Variants in ZNF468 observed in about 807,000 individuals in gnomAD.
The protein encoded by ZNF468 is zinc finger protein ZNF468.
In ZNF468, 8 loss-of-function variants were observed where a neutral mutation model predicts 7.2. The ratio of observed to expected loss-of-function variants is 1.11; its 90% CI spans 0.65 to 2.01. ZNF468 has a LOEUF of 2.01. Ranked by LOEUF, ZNF468 falls within the 30% of genes most tolerant of loss-of-function variation. ZNF468 has a pLI of 0.00. For missense variants in ZNF468, 608 were observed against 626.5 expected (o/e 0.97, Z 0.31); for synonymous variants, 218 against 214.4 (o/e 1.02, Z -0.15).
chr19:52,840,711 C>A lies in ZNF468; in HGVS notation c.*14G>T. The A allele has an allele frequency of 1.9e-6, 3 of 1,613,256 alleles. No individual in the cohort carries two copies. The highest frequency in any genetic ancestry group is 2.5e-6 in the Non-Finnish European group (3 of 1,179,504). On this transcript the variant is annotated 3_prime_UTR_variant, in exon 4 of 4. Transcript: ENST00000595646. The stretch of plus-strand genomic sequence containing the variant: ...TGAATTGTGATGGAAGGTCTTGCCA[C>A]ACTCATTACACTATTAAGGCTTCTC...
chr19:52,843,126 A>G (rs1600515195), intron 3 of ZNF468, among the ~76,000 whole-genome samples: 1 of 151,592 alleles, frequency 6.6e-6, no homozygotes, highest in Admixed American at 6.6e-5. Context: ...GTCTCAAAAA[A>G]AAAAAAAAAA....
At chr19:52,852,923 C>T (rs1344589518) in intron 2 of ZNF468, among the ~76,000 whole-genome samples, 4 of 151,394 alleles carry the variant, frequency 2.6e-5, no homozygotes, top group Non-Finnish European at 5.9e-5. Flanking sequence ...GGTGCAATCT[C>T]AGCTCACTGC....
intron 2 of ZNF468, among the ~76,000 whole-genome samples, chr19:52,850,848 G>A (rs1039487000): frequency 2.0e-5 from 3 of 151,794 alleles, no homozygotes; most frequent in African/African-American, 4.8e-5. Context: ...GCAGTGAGCC[G>A]AGATCGCGCC....
intron 2 of ZNF468, among the ~76,000 whole-genome samples, chr19:52,851,457 T>C (rs1049990925): frequency 6.6e-5 from 10 of 151,916 alleles, no homozygotes; most frequent in Middle Eastern, 3.5e-3. Context: ...CTCGCCTGTA[T>C]TCCCAGCTAC....
In ZNF468 at chr19:52,840,578, G is replaced by T. The variant is rs2063286397; in HGVS notation, c.*147C>A. The T allele has an allele frequency of 1.4e-6, 2 of 1,407,748 alleles. No homozygotes were observed. The highest frequency in any genetic ancestry group is 2.0e-6 in the Non-Finnish European group (2 of 997,190). The allele number at this position is 1,407,748 out of a possible 1,614,324, so 87.2% of individuals were successfully genotyped here. On this transcript the variant is annotated 3_prime_UTR_variant, in exon 4 of 4. Transcript: ENST00000595646. ...CATTTGTAAGGTTTCTCTCCAGTATGAAGTCTATGGTGATGTGCAAAGGTT... is the reference window on the plus strand; with the variant it reads ...CATTTGTAAGGTTTCTCTCCAGTATTAAGTCTATGGTGATGTGCAAAGGTT...
chr19:52,846,293 G>A (rs776453229), intron 3 of ZNF468, among the ~76,000 whole-genome samples: 3 of 152,078 alleles, frequency 2.0e-5, no homozygotes, highest in South Asian at 2.1e-4. Context: ...TCTGCCTCCC[G>A]GATTCAAGTG....
intron 3 of ZNF468, among the ~76,000 whole-genome samples, chr19:52,845,630 G>A (rs1400538561): frequency 6.6e-6 from 1 of 152,080 alleles, no homozygotes; most frequent in Non-Finnish European, 1.5e-5. Context: ...CTGCACTCCA[G>A]CCCGGGCAAG....
chr19:52,848,922 A>G (rs1232231947), intron 3 of ZNF468, among the ~76,000 whole-genome samples, 165 bp downstream of exon 3: 1 of 152,168 alleles, frequency 6.6e-6, no homozygotes, highest in East Asian at 1.9e-4. Flanking sequence ...CAGAACATCT[A>G]AACAAAGGGG....
intron 2 of ZNF468, among the ~76,000 whole-genome samples, chr19:52,853,677 C>T (rs1370891432): frequency 3.3e-5 from 5 of 151,668 alleles, no homozygotes; most frequent in South Asian, 4.2e-4. Context: ...GGTAACAGAG[C>T]GAAACTCCAT....
At chr19:52,850,494 T>A (rs573071552) in intron 2 of ZNF468, among the ~76,000 whole-genome samples, 1 of 152,056 alleles carries the variant, frequency 6.6e-6, no homozygotes, top group Non-Finnish European at 1.5e-5. Context: ...AAATTCACAA[T>A]TAGCAAAATC....
At chr19:52,846,288 C>T (rs2063341398) in intron 3 of ZNF468, among the ~76,000 whole-genome samples, 1 of 152,148 alleles carries the variant, frequency 6.6e-6, no homozygotes, top group South Asian at 2.1e-4. Context: ...CAACCTCTGC[C>T]TCCCGGATTC....
At chr19:52,852,540 G>A (rs2063398750) in intron 2 of ZNF468, among the ~76,000 whole-genome samples, 1 of 151,860 alleles carries the variant, frequency 6.6e-6, no homozygotes, top group African/African-American at 2.4e-5. Flanking sequence ...AGCTGGGCAT[G>A]GTGGCGGGTG....
In ZNF468 at chr19:52,840,407, G is replaced by C. The variant is rs1367394001; in HGVS notation, c.*318C>G. ...CACTTATAATGAGTTTCTCTCCAGT[G>C]TGAATTCTAGTATGTTTTGCCAGAT... On this transcript the variant is annotated 3_prime_UTR_variant, in exon 4 of 4. Coordinates refer to ENST00000595646, the MANE Select transcript of ZNF468 (RefSeq NM_001008801.2). The C allele has an allele frequency of 1.5e-5, 8 of 549,912 alleles. No individual in the cohort carries two copies. The East Asian group carries it at 2.9e-4, about 20-fold the overall frequency. 34.1% of individuals were successfully genotyped at this position (549,912 alleles called of 1,614,324 possible).
intron 1 of ZNF468, among the ~76,000 whole-genome samples, chr19:52,856,932 G>C (rs1037113963): frequency 6.6e-6 from 1 of 152,102 alleles, no homozygotes; most frequent in African/African-American, 2.4e-5. Flanking sequence ...ACGATCACAA[G>C]AGGGTTTGGA....
intron 1 of ZNF468, among the ~76,000 whole-genome samples, chr19:52,856,968 C>T (rs545845361): frequency 6.6e-6 from 1 of 152,120 alleles, no homozygotes; most frequent in African/African-American, 2.4e-5. Context: ...CTCGGAGAAG[C>T]GCATTTTCCA....
chr19:52,849,066 C>T, intron 3 of ZNF468, 21 bp downstream of exon 3: 1 of 1,612,850 alleles, frequency 6.2e-7, no homozygotes, highest in African/African-American at 1.3e-5. Flanking sequence ...GGCACATCCC[C>T]AGGAGGGAAG....
chr19:52,841,597 G>GT lies in ZNF468; in HGVS notation c.696dup (p.His233ThrfsTer12), dbSNP rs772567431. ...TTCTCTTCTAAGTGAATTATCTGAT[G>GT]TTTTTTTAAGAGTGAGCTGCAATTA... is the stretch of plus-strand genomic sequence containing the variant. On this transcript the variant is annotated frameshift_variant, in exon 4 of 4. Transcript: ENST00000595646. LOFTEE classifies it low-confidence loss of function (END_TRUNC). The GT allele has an allele frequency of 1.9e-6, 3 of 1,613,906 alleles. No homozygotes were observed. The highest frequency in any genetic ancestry group is 2.2e-5 in the East Asian group (1 of 44,854).
chr19:52,856,627 C>G (rs61505557), intron 1 of ZNF468, among the ~76,000 whole-genome samples: 1 of 137,574 alleles, frequency 7.3e-6, no homozygotes, highest in Non-Finnish European at 1.6e-5. Context: ...CTGTCTGACC[C>G]GGCTCCACAT....
intron 3 of ZNF468, among the ~76,000 whole-genome samples, chr19:52,844,938 AG>A (rs1398334957): frequency 6.6e-6 from 1 of 152,194 alleles, no homozygotes; most frequent in Non-Finnish European, 1.5e-5. Context: ...TATTAAACAA[AG>A]GAAGTTAAGA....
Sources: gnomAD v4.1 joint callset for allele counts (sites outside exome capture counted in the v4.1 genomes callset) on GRCh38, gnomAD v4.1.1 for gene constraint, MANE v1.5 for transcripts, NCBI Gene and HGNC (gene_info 2026-07-23, HGNC 2026-07-21) for gene names.